LRFN2: variants seen among roughly 807,000 people sequenced by gnomAD.
The protein encoded by LRFN2 is leucine-rich repeat and fibronectin type-III domain-containing protein 2.
LRFN2 carries 18 observed loss-of-function variants against 37.3 expected under a neutral mutation model. That is an observed-to-expected ratio of 0.48 (90% CI 0.33 to 0.72). The LOEUF (loss-of-function observed/expected upper bound fraction) is 0.72, where lower values mean the gene tolerates loss of function less well. Among genes scored for constraint, LRFN2 ranks in the 30% least tolerant of loss-of-function variants. LRFN2 has a pLI of 0.02. For synonymous variants in LRFN2, 556 were observed against 466.6 expected (o/e 1.19, Z -2.47); for missense variants, 1,006 against 1,060.7 (o/e 0.95, Z 0.72).
At chr6:40,442,731 G>A (rs1422302940) in intron 1 of LRFN2, among the ~76,000 whole-genome samples, 2 of 152,140 alleles carry the variant, frequency 1.3e-5, no homozygotes, top group Non-Finnish European at 2.9e-5. Flanking sequence ...TGCCTCCTGG[G>A]TCTGAGGCTG....
chr6:40,556,303 T>C (rs888361284), intron 1 of LRFN2, among the ~76,000 whole-genome samples: 2 of 152,182 alleles, frequency 1.3e-5, no homozygotes, highest in African/African-American at 4.8e-5. Context: ...CACAGGCCCT[T>C]TTCTGGGGCT....
chr6:40,570,636 G>T (rs1415204090), intron 1 of LRFN2, among the ~76,000 whole-genome samples: 1 of 152,164 alleles, frequency 6.6e-6, no homozygotes, highest in Non-Finnish European at 1.5e-5. Context: ...GGGGCCGGGG[G>T]AAGCTGCTCT....
chr6:40,488,623 G>A (rs1325360786), intron 1 of LRFN2, among the ~76,000 whole-genome samples: 2 of 152,162 alleles, frequency 1.3e-5, no homozygotes, highest in Admixed American at 6.5e-5. Flanking sequence ...GTGGCCCATA[G>A]AGTGTAATTA....
intron 2 of LRFN2, among the ~76,000 whole-genome samples, chr6:40,423,880 A>G (rs968761158): frequency 6.6e-6 from 1 of 152,206 alleles, no homozygotes; most frequent in African/African-American, 2.4e-5. Context: ...TGTGCTGAGG[A>G]TGGTAGGACA....
At chr6:40,484,259 A>G (rs1298833651) in intron 1 of LRFN2, among the ~76,000 whole-genome samples, 4 of 152,110 alleles carry the variant, frequency 2.6e-5, no homozygotes, top group African/African-American at 9.7e-5. Flanking sequence ...GATCCAGGAG[A>G]CAGGGTCAGC....
chr6:40,462,279 C>A (rs1005140749), intron 1 of LRFN2, among the ~76,000 whole-genome samples: 2 of 152,200 alleles, frequency 1.3e-5, no homozygotes, highest in African/African-American at 4.8e-5. Flanking sequence ...TGGAGAAAAG[C>A]CCTGGGATAG....
At chr6:40,453,822 T>C (rs914780888) in intron 1 of LRFN2, among the ~76,000 whole-genome samples, 3 of 152,184 alleles carry the variant, frequency 2.0e-5, no homozygotes, top group Non-Finnish European at 2.9e-5. Context: ...CAAACTAATT[T>C]CAAGGCTCTT....
intron 1 of LRFN2, among the ~76,000 whole-genome samples, chr6:40,541,902 C>T (rs181456047): frequency 1.5e-3 from 234 of 152,318 alleles, no homozygotes; most frequent in African/African-American, 5.4e-3. Flanking sequence ...TATGCAAACG[C>T]CTGCATCCAT....
chr6:40,410,686 C>T (rs1236070989), intron 2 of LRFN2, among the ~76,000 whole-genome samples: 1 of 152,206 alleles, frequency 6.6e-6, no homozygotes, highest in East Asian at 1.9e-4. Flanking sequence ...TCTATCATCT[C>T]TTACAGACTA....
intron 1 of LRFN2, among the ~76,000 whole-genome samples, chr6:40,446,598 A>G (rs1403866014): frequency 1.3e-5 from 2 of 152,228 alleles, no homozygotes; most frequent in Non-Finnish European, 2.9e-5. Context: ...CGATATGTAT[A>G]CATTGAACAC....
At chr6:40,515,747 G>A (rs780490800) in intron 1 of LRFN2, among the ~76,000 whole-genome samples, 5 of 152,016 alleles carry the variant, frequency 3.3e-5, no homozygotes, top group African/African-American at 7.3e-5. Context: ...AAAAAAATTA[G>A]CCAGGCGTGG....
intron 1 of LRFN2, among the ~76,000 whole-genome samples, chr6:40,494,672 T>C (rs1282094713): frequency 1.3e-5 from 2 of 151,832 alleles, no homozygotes; most frequent in African/African-American, 2.4e-5. Flanking sequence ...CTCTTCAACA[T>C]CCCCTCACAA....
chr6:40,416,524 T>G (rs1009568227), intron 2 of LRFN2, among the ~76,000 whole-genome samples: 1 of 152,212 alleles, frequency 6.6e-6, no homozygotes, highest in African/African-American at 2.4e-5. Flanking sequence ...ACTGGACTTT[T>G]TTTGGTTTGA....
rs911450541 is a variant in LRFN2 at position 40,497,337 on chromosome 6, C to G, written c.-18-64206G>C. On this transcript the variant is annotated intron_variant, in intron 1 of 2. Coordinates refer to ENST00000338305, the MANE Select transcript of LRFN2 (RefSeq NM_020737.3). Reference sequence around the variant, plus strand: ...TCTCCTCTTAGTCAACCAGGCCCAACCTGTTGCCCTCATAAATTCCTGCTC... The same window carrying G: ...TCTCCTCTTAGTCAACCAGGCCCAAGCTGTTGCCCTCATAAATTCCTGCTC... Among the ~76,000 whole-genome samples the G allele has an allele frequency of 2.0e-5, 3 of 152,146 alleles. No individual in the cohort carries two copies. The South Asian group carries it at 6.2e-4, about 32-fold the overall frequency.
At chr6:40,514,315 G>T (rs900292658) in intron 1 of LRFN2, among the ~76,000 whole-genome samples, 13 of 151,816 alleles carry the variant, frequency 8.6e-5, no homozygotes, top group East Asian at 1.9e-4. Context: ...AGTTTTTTTT[G>T]TTTGTTTTGT....
At chr6:40,581,254 G>T (rs76142896) in intron 1 of LRFN2, among the ~76,000 whole-genome samples, 35 of 152,292 alleles carry the variant, frequency 2.3e-4, no homozygotes, top group South Asian at 1.7e-3. Flanking sequence ...AGATGGCTCC[G>T]CAGAGATGTC....
intron 2 of LRFN2, among the ~76,000 whole-genome samples, chr6:40,396,531 C>T (rs939067340): frequency 6.6e-6 from 1 of 152,262 alleles, no homozygotes; most frequent in East Asian, 1.9e-4. Flanking sequence ...TGTAACAAGG[C>T]AAGGCTGATT....
chr6:40,575,778 G>A (rs910179999), intron 1 of LRFN2, among the ~76,000 whole-genome samples: 2 of 152,156 alleles, frequency 1.3e-5, no homozygotes, highest in African/African-American at 2.4e-5. Context: ...GAGAGAGGGG[G>A]CTCAGGAGCT....
rs149178002 is a variant in LRFN2, at chr6:40,433,098, C to T, written c.16G>A (p.Gly6Ser). Residue 6 changes from glycine to serine, a missense_variant, in exon 2 of 3, where the codon GGT becomes AGT. Coordinates refer to ENST00000338305, the MANE Select transcript of LRFN2 (RefSeq NM_020737.3). ...GCCATGCCAAACGCTAGCAGGCCACCAAGCAGGGTCTCCATGGTCTGGTCA... is the reference window on the plus strand; with the variant it reads ...GCCATGCCAAACGCTAGCAGGCCACTAAGCAGGGTCTCCATGGTCTGGTCA... METLL[G>S]GLLAFGMAFA... is the part of the protein sequence containing the mutation. 1 of 1,524,298 alleles carries T rather than the reference C, an allele frequency of 6.6e-7. No individual in the cohort carries two copies. The highest frequency in any genetic ancestry group is 8.8e-7 in the Non-Finnish European group (1 of 1,137,644). The allele number at this position is 1,524,298 out of a possible 1,614,324, so 94.4% of individuals were successfully genotyped here.
Sources: allele counts gnomAD v4.1 joint callset (sites outside exome capture counted in the v4.1 genomes callset), GRCh38; gene constraint gnomAD v4.1.1; transcripts MANE v1.5; gene names NCBI Gene and HGNC (gene_info 2026-07-23, HGNC 2026-07-21).